The following C10orf90 variants were observed in gnomAD, a reference collection of about 807,000 sequenced individuals.
C10orf90 encodes the protein (E2-independent) E3 ubiquitin-conjugating enzyme FATS.
C10orf90 carries 56 observed loss-of-function variants against 62.5 expected under a neutral mutation model. The observed-to-expected ratio is 0.90, with a 90% CI of 0.72 to 1.12. The LOEUF (loss-of-function observed/expected upper bound fraction) is 1.12, where lower values mean the gene tolerates loss of function less well. Ranked by LOEUF, C10orf90 falls within the 50% of genes most tolerant of loss-of-function variation. The pLI is 0.00. For missense variants in C10orf90, 970 were observed against 880.4 expected (o/e 1.10, Z -1.29); for synonymous variants, 386 against 340.4 (o/e 1.13, Z -1.47).
chr10:126,616,088 T>C (rs1476868477), intron 2 of C10orf90, among the ~76,000 whole-genome samples: 2 of 152,220 alleles, frequency 1.3e-5, no homozygotes, highest in African/African-American at 4.8e-5. Flanking sequence ...TGACCAGAGA[T>C]ACACAGGCCC....
intron 8 of C10orf90, 98 bp from the exon 9 acceptor site, chr10:126,426,188 A>G (rs1467239856): frequency 1.0e-6 from 1 of 989,404 alleles, no homozygotes; most frequent in Non-Finnish European, 1.6e-6. Flanking sequence ...TACATTTCAA[A>G]GAGAAGATCG....
At chr10:126,627,365 ATG>A (rs1446809636) in intron 2 of C10orf90, among the ~76,000 whole-genome samples, 1 of 152,128 alleles carries the variant, frequency 6.6e-6, no homozygotes, top group Non-Finnish European at 1.5e-5. Context: ...CCACTGTAAC[ATG>A]TCTCATGAAT....
chr10:126,583,424 G>T (rs1272001622), intron 2 of C10orf90, among the ~76,000 whole-genome samples: 15 of 152,092 alleles, frequency 9.9e-5, no homozygotes, highest in African/African-American at 3.4e-4. Flanking sequence ...CAGATCCTAG[G>T]TTGGCTGACA....
chr10:126,533,013 A>G (rs1412008740), intron 2 of C10orf90, among the ~76,000 whole-genome samples: 1 of 149,654 alleles, frequency 6.7e-6, no homozygotes, highest in East Asian at 2.0e-4. Context: ...GCTCACTGCA[A>G]GCTCCACCTC....
At chr10:126,510,676 T>C (rs1227961296) in intron 3 of C10orf90, among the ~76,000 whole-genome samples, 1 of 152,228 alleles carries the variant, frequency 6.6e-6, no homozygotes, top group Non-Finnish European at 1.5e-5. Flanking sequence ...TTCTTTCTCA[T>C]AGATGCTGCT....
At chr10:126,526,410 A>C (rs1459131463) in intron 2 of C10orf90, among the ~76,000 whole-genome samples, 1 of 151,828 alleles carries the variant, frequency 6.6e-6, no homozygotes, top group Non-Finnish European at 1.5e-5. Flanking sequence ...ACACCCGGCT[A>C]ATTTTTTATA....
At chr10:126,481,482 G>A (rs567572477) in intron 4 of C10orf90, among the ~76,000 whole-genome samples, 2 of 152,292 alleles carry the variant, frequency 1.3e-5, no homozygotes, top group Admixed American at 6.5e-5. Flanking sequence ...GACTCCTCAC[G>A]GATTTCATTC....
intron 2 of C10orf90, among the ~76,000 whole-genome samples, chr10:126,630,959 C>G (rs1347303113): frequency 6.6e-6 from 1 of 152,270 alleles, no homozygotes; most frequent in East Asian, 1.9e-4. Context: ...TCATTCATAC[C>G]GTCAAGGGAG....
chr10:126,563,962 T>C (rs751055440), intron 2 of C10orf90, among the ~76,000 whole-genome samples: 50 of 152,152 alleles, frequency 3.3e-4, no homozygotes, highest in Admixed American at 1.2e-3. Context: ...GAGCAGTCTC[T>C]GCATGAGGGC....
In C10orf90 at chr10:126,579,519, G is replaced by T. The variant is rs558741142; in HGVS notation, c.314-65580C>A. On this transcript the variant is annotated intron_variant, in intron 2 of 9. Transcript: ENST00000488181. ...GCCTCCCAAAGTGCTGGGCTTAAAG[G>T]CATGAGCCACCGCACCCAGCCAAAT... Among the ~76,000 whole-genome samples, 64 of 152,118 alleles carry T rather than the reference G, an allele frequency of 4.2e-4. 3 individuals are homozygous for T. Among genetic ancestry groups the T allele is most frequent in the African/African-American group, 1.3e-3 (54 of 41,514 alleles).
intron 2 of C10orf90, among the ~76,000 whole-genome samples, chr10:126,615,346 G>A (rs1218126675): frequency 6.6e-6 from 1 of 152,168 alleles, no homozygotes; most frequent in Non-Finnish European, 1.5e-5. Context: ...TCCCAGATGT[G>A]AGGTCTTGGA....
At chr10:126,563,107 G>A (rs780007172) in intron 2 of C10orf90, among the ~76,000 whole-genome samples, 5 of 152,142 alleles carry the variant, frequency 3.3e-5, no homozygotes, top group Non-Finnish European at 5.9e-5. Context: ...GCTACAACTC[G>A]GGGCAAAATT....
intron 7 of C10orf90, among the ~76,000 whole-genome samples, chr10:126,434,831 AT>A (rs1451042992): frequency 6.6e-6 from 1 of 152,172 alleles, no homozygotes; most frequent in Non-Finnish European, 1.5e-5. Flanking sequence ...AAACTTGAAC[AT>A]TTCTGTTCAG....
At chr10:126,479,270 A>G (rs1010756097) in intron 4 of C10orf90, among the ~76,000 whole-genome samples, 5 of 152,212 alleles carry the variant, frequency 3.3e-5, no homozygotes, top group Non-Finnish European at 7.3e-5. Context: ...GCTCAGGTTC[A>G]TGCTGGTTGA....
At chr10:126,474,623 G>A (rs528129495) in intron 4 of C10orf90, among the ~76,000 whole-genome samples, 7 of 152,066 alleles carry the variant, frequency 4.6e-5, no homozygotes, top group Admixed American at 1.3e-4. Context: ...AAGAAATATC[G>A]CAAGTATGAA....
At chr10:126,576,723 TAC>T (rs879813461) in intron 2 of C10orf90, among the ~76,000 whole-genome samples, 2,509 of 43,328 alleles carry the variant, frequency 0.058, 59 homozygotes, top group African/African-American at 0.098. Context: ...ATACAAGATA[TAC>T]ATATATATGT....
chr10:126,467,188 T>C (rs1034780596), intron 4 of C10orf90, among the ~76,000 whole-genome samples: 4 of 152,242 alleles, frequency 2.6e-5, no homozygotes, highest in African/African-American at 9.6e-5. Context: ...AATGAGCTTG[T>C]GTAAGTCAGA....
At chr10:126,538,860 A>G (rs561658507) in intron 2 of C10orf90, among the ~76,000 whole-genome samples, 2 of 152,220 alleles carry the variant, frequency 1.3e-5, no homozygotes, top group Non-Finnish European at 2.9e-5. Context: ...AAAAGTAGCT[A>G]AAAGCACAGC....
At chr10:126,554,571 C>T (rs138754989) in intron 2 of C10orf90, among the ~76,000 whole-genome samples, 158 of 152,292 alleles carry the variant, frequency 1.0e-3, no homozygotes, top group Admixed American at 2.7e-3. Flanking sequence ...CCACTAAGCA[C>T]GGTGCAAAGT....
Sources: gnomAD v4.1 joint callset for allele counts (sites outside exome capture counted in the v4.1 genomes callset) on GRCh38, gnomAD v4.1.1 for gene constraint, MANE v1.5 for transcripts, NCBI Gene and HGNC (gene_info 2026-07-23, HGNC 2026-07-21) for gene names.